NRK: variants seen among roughly 807,000 people sequenced by gnomAD.
The protein encoded by NRK is Nik related kinase.
NRK carries 67 observed loss-of-function variants against 125.2 expected under a neutral mutation model. The ratio of observed to expected loss-of-function variants is 0.54; its 90% CI spans 0.44 to 0.66. The LOEUF (loss-of-function observed/expected upper bound fraction) is 0.66, where lower values mean the gene tolerates loss of function less well. NRK is among the 30% of genes least tolerant of loss of function. The pLI is 0.00. For missense variants in NRK, 1,224 were observed against 1,192.9 expected (o/e 1.03, Z -0.38); for synonymous variants, 458 against 429.0 (o/e 1.07, Z -0.84).
Position 105,822,707 on chromosome X carries a change from G to A in NRK, c.-139G>A. The A allele has an allele frequency of 1.7e-6, 1 of 602,200 alleles. No homozygotes were observed. The highest frequency in any genetic ancestry group is 2.8e-6 in the Non-Finnish European group (1 of 363,530). 49.6% of individuals were successfully genotyped at this position (602,200 alleles called of 1,213,427 possible). On this transcript the variant is annotated 5_prime_UTR_variant, in exon 1 of 29. Transcript: ENST00000243300. ...ACGTTTCCCCTCCTCTATCTCCCAC[G>A]CCACGAACCCCGATCCCCAGACTCC... is the stretch of plus-strand genomic sequence containing the variant.
intron 3 of NRK, among the ~76,000 whole-genome samples, chrX:105,880,812 G>A (rs1240676379): frequency 1.4e-4 from 16 of 111,568 alleles, no homozygotes; most frequent in Admixed American, 1.2e-3. Context: ...TAACATATTG[G>A]CATAGAATTT....
intron 9 of NRK, among the ~76,000 whole-genome samples, chrX:105,901,797 T>G (rs945881684): frequency 9.0e-6 from 1 of 111,014 alleles, no homozygotes; most frequent in African/African-American, 3.3e-5. Flanking sequence ...AAAAAATTAA[T>G]AATGGAAAAT....
chrX:105,854,625 T>C (rs188235641), intron 2 of NRK, among the ~76,000 whole-genome samples: 2 of 112,100 alleles, frequency 1.8e-5, no homozygotes, highest in East Asian at 5.6e-4. Flanking sequence ...GTTCGCTGTG[T>C]TCTGGTCCAT....
chrX:105,894,007 A>G (rs1275086221), intron 6 of NRK, 65 bp downstream of exon 6: 9 of 549,327 alleles, frequency 1.6e-5, no homozygotes, highest in Non-Finnish European at 2.7e-5. Flanking sequence ...TATACAATGC[A>G]CCTTATACCT....
At chrX:105,893,759 A>G in intron 5 of NRK, 73 bp from the exon 6 acceptor site, 2 of 615,982 alleles carry the variant, frequency 3.2e-6, no homozygotes, top group East Asian at 3.4e-5. Flanking sequence ...TACAAGCCAT[A>G]TGGACTAAAA....
intron 2 of NRK, among the ~76,000 whole-genome samples, chrX:105,874,652 C>T (rs192625733): frequency 1.4e-4 from 16 of 111,855 alleles, no homozygotes; most frequent in African/African-American, 4.9e-4. Context: ...ACATATACCT[C>T]TTAACAATGC....
chrX:105,882,920 A>G (rs182766627), intron 4 of NRK, among the ~76,000 whole-genome samples: 3 of 112,254 alleles, frequency 2.7e-5, no homozygotes, highest in African/African-American at 9.7e-5. Flanking sequence ...TTTTTTAAAG[A>G]CCTGTCCCAA....
chrX:105,897,743 TTTG>T (rs1172154603), intron 7 of NRK, among the ~76,000 whole-genome samples: 1 of 112,370 alleles, frequency 8.9e-6, no homozygotes, highest in African/African-American at 3.2e-5. Flanking sequence ...TGGACATTTT[TTTG>T]TTGTTGTCGT....
intron 6 of NRK, among the ~76,000 whole-genome samples, chrX:105,894,768 T>G (rs1198197617): frequency 4.5e-5 from 5 of 112,236 alleles, no homozygotes; most frequent in Non-Finnish European, 9.4e-5. Context: ...TGTAAAGCAC[T>G]TAGTACAATC....
intron 2 of NRK, among the ~76,000 whole-genome samples, chrX:105,858,108 T>G (rs2039555350): frequency 8.9e-6 from 1 of 111,810 alleles, no homozygotes; most frequent in Admixed American, 9.6e-5. Flanking sequence ...AAGTGTGTTT[T>G]AGATGCCTCT....
chrX:105,952,644 A>G (rs1248142575), intron 27 of NRK, among the ~76,000 whole-genome samples: 7 of 111,743 alleles, frequency 6.3e-5, no homozygotes, highest in Admixed American at 4.8e-4. Flanking sequence ...ACAAATATAC[A>G]CCCTTATTAG....
chrX:105,903,587 T>C (rs189680090), intron 9 of NRK, among the ~76,000 whole-genome samples: 184 of 111,935 alleles, frequency 1.6e-3, no homozygotes, highest in Non-Finnish European at 2.7e-3. Context: ...ATTTAGGTAG[T>C]GTTATGAGAT....
chrX:105,927,683 C>T (rs892548987), intron 19 of NRK, among the ~76,000 whole-genome samples: 2 of 110,764 alleles, frequency 1.8e-5, no homozygotes, highest in African/African-American at 3.3e-5. Context: ...GTTTTTATCA[C>T]GAGGGAATGT....
intron 19 of NRK, among the ~76,000 whole-genome samples, chrX:105,928,561 C>A (rs2147776447): frequency 9.0e-6 from 1 of 110,654 alleles, no homozygotes; most frequent in Non-Finnish European, 1.9e-5. Flanking sequence ...TTTTCTAGTT[C>A]ATTGAGGTGC....
intron 2 of NRK, among the ~76,000 whole-genome samples, chrX:105,843,977 CTG>C (rs751188822): frequency 0.13 from 11,240 of 86,917 alleles, 595 homozygotes; most frequent in Middle Eastern, 0.19. Flanking sequence ...GTCCTGCACT[CTG>C]TGTGTGTGTG....
intron 1 of NRK, among the ~76,000 whole-genome samples, chrX:105,828,876 G>A (rs1964504999): frequency 8.9e-6 from 1 of 111,770 alleles, no homozygotes; most frequent in African/African-American, 3.2e-5. Flanking sequence ...TAAATTACAT[G>A]TTCGTTGGGA....
chrX:105,896,948 T>C (rs1354060121), intron 7 of NRK, among the ~76,000 whole-genome samples: 3 of 112,728 alleles, frequency 2.7e-5, no homozygotes, highest in Non-Finnish European at 1.9e-5. Context: ...GGCTAAACAC[T>C]GTGTTCGCAT....
At position 105,956,522 on chromosome X, in the gene NRK, A is replaced by G. The variant is rs1378215820; in HGVS notation, c.*922A>G. The stretch of plus-strand genomic sequence containing the variant: ...TCAAATATTTGCCCAATCCAAGATT[A>G]GACTACACAAAAGCTTCCTTCCAGT... On this transcript the variant is annotated 3_prime_UTR_variant, in exon 29 of 29. Coordinates refer to ENST00000243300, the MANE Select transcript of NRK (RefSeq NM_198465.4). 1 of 112,269 alleles carries G rather than the reference A, an allele frequency of 8.9e-6. No homozygotes were observed. The highest frequency in any genetic ancestry group is 1.9e-5 in the Non-Finnish European group (1 of 53,206). The allele number at this position is 112,269 out of a possible 1,213,427, so 9.3% of individuals were successfully genotyped here.
chrX:105,907,595 T>G (rs770465180), intron 11 of NRK: 14 of 112,255 alleles, frequency 1.2e-4, no homozygotes, highest in African/African-American at 4.5e-4. Context: ...ATCTATATGG[T>G]AATTTGCTAA....
Sources: allele counts gnomAD v4.1 joint callset (sites outside exome capture counted in the v4.1 genomes callset), GRCh38; gene constraint gnomAD v4.1.1; transcripts MANE v1.5; gene names NCBI Gene and HGNC (gene_info 2026-07-23, HGNC 2026-07-21).